The following MFSD6 variants were observed in gnomAD, a reference collection of about 807,000 sequenced individuals.
The protein encoded by MFSD6 is major facilitator superfamily domain containing 6.
A neutral mutation model predicts 56.3 loss-of-function variants in MFSD6; 26 were observed. The observed-to-expected ratio is 0.46, with a 90% CI of 0.34 to 0.64. The LOEUF is 0.64. Ranked by LOEUF, MFSD6 falls within the 30% of genes least tolerant of loss-of-function variation. MFSD6 has a pLI of 0.01. For missense variants in MFSD6, 750 were observed against 986.2 expected (o/e 0.76, Z 3.21); for synonymous variants, 331 against 366.9 (o/e 0.90, Z 1.12).
Position 190,500,006 on chromosome 2 carries a change from T to C in MFSD6, c.2173-9T>C, listed in dbSNP as rs1233858513. 1 of 1,614,072 alleles carries C rather than the reference T, an allele frequency of 6.2e-7. No individual in the cohort carries two copies. The highest frequency in any genetic ancestry group is 1.1e-5 in the South Asian group (1 of 91,086). The stretch of plus-strand genomic sequence containing the variant: ...TGATCATGGGGCATCTCCTGTTTTT[T>C]ACCTCCAGGGGACCAATGAGAATAG... On this transcript the variant is annotated splice_polypyrimidine_tract_variant and intron_variant, in intron 7 of 7. Transcript: ENST00000392328. The surrounding 1 kb of genome is among the most constrained non-coding windows in gnomAD (Gnocchi z 5.3).
Position 190,415,921 on chromosome 2 carries a change from A to T in MFSD6, c.-54+508A>T, listed in dbSNP as rs1398553113. 6.6e-6 allele frequency among the ~76,000 whole-genome samples: 1 copy of T among 152,182 alleles called. No homozygotes were observed. The highest frequency in any genetic ancestry group is 6.5e-5 in the Admixed American group (1 of 15,286). On this transcript the variant is annotated intron_variant, in intron 2 of 7. Coordinates refer to ENST00000392328, the MANE Select transcript of MFSD6 (RefSeq NM_017694.4). The surrounding 1 kb of genome is among the most constrained non-coding windows in gnomAD (Gnocchi z 4.5). Reference sequence around the variant, plus strand: ...TTGTCTCGTGTATAGATTGTGCTTTATTTAACCCTCTTAACTTCCTCAGTG... The same window carrying T: ...TTGTCTCGTGTATAGATTGTGCTTTTTTTAACCCTCTTAACTTCCTCAGTG...
chr2:190,469,976 T>C lies in MFSD6; in HGVS notation c.1630+121T>C. On this transcript the variant is annotated intron_variant, in intron 4 of 7. Coordinates refer to ENST00000392328, the MANE Select transcript of MFSD6 (RefSeq NM_017694.4). The surrounding 1 kb of genome is among the most constrained non-coding windows in gnomAD (Gnocchi z 5.3). ...GGCAGGCCTACTGTTTCATGTGATT[T>C]TGAAGTGGTTGTTAAGGAAGAGATG... The C allele has an allele frequency of 1.5e-6, 1 of 653,354 alleles. No homozygotes were observed. The highest frequency in any genetic ancestry group is 2.6e-6 in the Non-Finnish European group (1 of 388,654). 40.5% of individuals were successfully genotyped at this position (653,354 alleles called of 1,614,324 possible). A position where few individuals can be genotyped will look rare whatever the true frequency, so the allele number is the denominator to read the frequency against.
intron 4 of MFSD6, among the ~76,000 whole-genome samples, chr2:190,484,638 C>G (rs1688905753): frequency 2.0e-5 from 3 of 152,128 alleles, no homozygotes; most frequent in Admixed American, 1.3e-4. Context: ...ATTAAGATTA[C>G]TAGAAAGTTG....
In MFSD6 at chr2:190,410,386, C is replaced by T. The variant is rs1690510435; in HGVS notation, c.-176+1883C>T. On this transcript the variant is annotated intron_variant, in intron 1 of 7. Coordinates refer to ENST00000392328, the MANE Select transcript of MFSD6 (RefSeq NM_017694.4). The surrounding 1 kb of genome is among the most constrained non-coding windows in gnomAD (Gnocchi z 4.4). The stretch of plus-strand genomic sequence containing the variant: ...GACCTCATGTTTCTGGCTCCAAAGC[C>T]CAGGAAATTTCCACATGGTGTCCCT... 6.6e-6 allele frequency among the ~76,000 whole-genome samples: 1 copy of T among 152,146 alleles called. No homozygotes were observed. Among genetic ancestry groups the T allele is most frequent in the African/African-American group, 2.4e-5 (1 of 41,422 alleles).
rs1013698228 is a variant in MFSD6 at position 190,434,723 on chromosome 2, C to T, written c.-53-1254C>T. ...CTGGGATTACAGGTGTGAGCCACCG[C>T]GCCCGGCCAAAACACTGTTTTTCAA... On this transcript the variant is annotated intron_variant, in intron 2 of 7. Coordinates refer to ENST00000392328, the MANE Select transcript of MFSD6 (RefSeq NM_017694.4). The surrounding 1 kb of genome is among the most constrained non-coding windows in gnomAD (Gnocchi z 4.3). 5.9e-5 allele frequency among the ~76,000 whole-genome samples: 9 copies of T among 152,200 alleles called. No homozygotes were observed. The highest frequency in any genetic ancestry group is 1.2e-4 in the African/African-American group (5 of 41,460).
intron 3 of MFSD6, among the ~76,000 whole-genome samples, chr2:190,464,319 A>G (rs1687485870): frequency 6.6e-6 from 1 of 152,094 alleles, no homozygotes; most frequent in Admixed American, 6.6e-5. Flanking sequence ...GGGCTTTGCA[A>G]AATGCTTGTT....
At chr2:190,477,199 T>TATA (rs76355293) in intron 4 of MFSD6, 6 of 931,180 alleles carry the variant, frequency 6.4e-6, no homozygotes, top group South Asian at 5.0e-5. Flanking sequence ...AAACTTAAAG[T>TATA]ATAATAATAA....
At position 190,434,718 on chromosome 2, in the gene MFSD6, C is replaced by T. The variant is rs1686119565; in HGVS notation, c.-53-1259C>T. 6.6e-6 allele frequency among the ~76,000 whole-genome samples: 1 copy of T among 152,172 alleles called. No individual in the cohort carries two copies. The highest frequency in any genetic ancestry group is 1.5e-5 in the Non-Finnish European group (1 of 68,026). On this transcript the variant is annotated intron_variant, in intron 2 of 7. Coordinates refer to ENST00000392328, the MANE Select transcript of MFSD6 (RefSeq NM_017694.4). The surrounding 1 kb of genome is among the most constrained non-coding windows in gnomAD (Gnocchi z 4.3). ...AAGTGCTGGGATTACAGGTGTGAGC[C>T]ACCGCGCCCGGCCAAAACACTGTTT... is the stretch of plus-strand genomic sequence containing the variant.
rs1432987569 is a variant in MFSD6 at position 190,489,744 on chromosome 2, A to G, written c.1793-24A>G. On this transcript the variant is annotated intron_variant, in intron 5 of 7. Coordinates refer to ENST00000392328, the MANE Select transcript of MFSD6 (RefSeq NM_017694.4). This position sits in a 1 kb window ranked among gnomAD's most constrained non-coding sequence, Gnocchi z 6.6. ...TATCTGCATTTCTTGGAATTACTCT[A>G]TAGAGTGCTGTTTGTTTTTATAGGG... is the stretch of plus-strand genomic sequence containing the variant. 3 of 1,603,636 alleles carry G rather than the reference A, an allele frequency of 1.9e-6. No individual in the cohort carries two copies. Among genetic ancestry groups the G allele is most frequent in the Middle Eastern group, 1.7e-4 (1 of 6,046 alleles).
Position 190,425,342 on chromosome 2 carries a change from G to T in MFSD6, c.-54+9929G>T, listed in dbSNP as rs76089156. Among the ~76,000 whole-genome samples, 410 of 152,130 alleles carry T rather than the reference G, an allele frequency of 2.7e-3. 1 individual carries two copies. Among genetic ancestry groups the T allele is most frequent in the African/African-American group, 9.3e-3 (384 of 41,512 alleles). On this transcript the variant is annotated intron_variant, in intron 2 of 7. Transcript: ENST00000392328. This position sits in a 1 kb window ranked among gnomAD's most constrained non-coding sequence, Gnocchi z 4.3. ...CTTTTGTTTTCTTTTATTTCCTATT[G>T]CACTGGTGAGAACTTCCAGCATTGT...
Position 190,500,408 on chromosome 2 carries a change from C to G in MFSD6, c.*190C>G. On this transcript the variant is annotated 3_prime_UTR_variant, in exon 8 of 8. Transcript: ENST00000392328. This position sits in a 1 kb window ranked among gnomAD's most constrained non-coding sequence, Gnocchi z 5.3. ...GTACATATTGGCAGGAAAAGGTAAA[C>G]TTTCGTAATCTCATTGGAATTACAA... The G allele has an allele frequency of 1.6e-6, 1 of 621,958 alleles. No individual in the cohort carries two copies. The highest frequency in any genetic ancestry group is 2.8e-6 in the Non-Finnish European group (1 of 362,136). The allele number at this position is 621,958 out of a possible 1,614,324, so 38.5% of individuals were successfully genotyped here.
At chr2:190,472,980 C>A (rs1273217625) in intron 4 of MFSD6, among the ~76,000 whole-genome samples, 1 of 152,110 alleles carries the variant, frequency 6.6e-6, no homozygotes, top group Non-Finnish European at 1.5e-5. Context: ...CATATCCAGC[C>A]AAACTAAGCT....
rs988026219 is a variant in MFSD6, at chr2:190,412,835, C to T, written c.-175-2457C>T. On this transcript the variant is annotated intron_variant, in intron 1 of 7. Transcript: ENST00000392328. The surrounding 1 kb of genome is among the most constrained non-coding windows in gnomAD (Gnocchi z 4.1). Reference sequence around the variant, plus strand: ...TTGCTTTGTAGCTGTTTTTGATTGCCCACATTTGGATGATATTTATTTACT... The same window carrying T: ...TTGCTTTGTAGCTGTTTTTGATTGCTCACATTTGGATGATATTTATTTACT... Among the ~76,000 whole-genome samples the T allele has an allele frequency of 6.6e-6, 1 of 152,124 alleles. No homozygotes were observed. Among genetic ancestry groups the T allele is most frequent in the Non-Finnish European group, 1.5e-5 (1 of 68,030 alleles).
Position 190,494,172 on chromosome 2 carries a change from A to C in MFSD6, c.1892-3267A>C, listed in dbSNP as rs1040949273. On this transcript the variant is annotated intron_variant, in intron 6 of 7. Coordinates refer to ENST00000392328, the MANE Select transcript of MFSD6 (RefSeq NM_017694.4). The surrounding 1 kb of genome is among the most constrained non-coding windows in gnomAD (Gnocchi z 5.7). Reference sequence around the variant, plus strand: ...AGCTTAATTAGAAACAAAACAGGAAATATTACAACTGACACCACAGAAATA... The same window carrying C: ...AGCTTAATTAGAAACAAAACAGGAACTATTACAACTGACACCACAGAAATA... 3.3e-5 allele frequency among the ~76,000 whole-genome samples: 5 copies of C among 152,196 alleles called. No homozygotes were observed. The highest frequency in any genetic ancestry group is 1.2e-4 in the African/African-American group (5 of 41,456).
intron 1 of MFSD6, among the ~76,000 whole-genome samples, chr2:190,409,113 A>G (rs994896933): frequency 3.3e-5 from 5 of 152,280 alleles, no homozygotes; most frequent in Middle Eastern, 3.4e-3. Context: ...CCATCCTAGC[A>G]GACATCCCCC....
At position 190,478,472 on chromosome 2, in the gene MFSD6, GA is replaced by G. The variant is rs574885939; in HGVS notation, c.1630+8620del. 4.7e-3 allele frequency among the ~76,000 whole-genome samples: 717 copies of G among 152,336 alleles called. 4 individuals are homozygous for G. The highest frequency in any genetic ancestry group is 7.6e-3 in the Non-Finnish European group (516 of 68,036). ...ATGTGGAATAAAATCCTGCATCACA[GA>G]AATACATTTCTGACTGAAGAGGTTT... On this transcript the variant is annotated intron_variant, in intron 4 of 7. Transcript: ENST00000392328.
At position 190,501,803 on chromosome 2, in the gene MFSD6, T is replaced by C. The variant is rs989213557; in HGVS notation, c.*1585T>C. 1 of 152,678 alleles carries C rather than the reference T, an allele frequency of 6.5e-6. No homozygotes were observed. Among genetic ancestry groups the C allele is most frequent in the African/African-American group, 2.4e-5 (1 of 41,462 alleles). 9.5% of individuals were successfully genotyped at this position (152,678 alleles called of 1,614,324 possible). ...AAATAGTTATTTTTTGCACTTGAAC[T>C]GAAACGTACTGTACTGTAAATTATG... On this transcript the variant is annotated 3_prime_UTR_variant, in exon 8 of 8. Transcript: ENST00000392328.
At chr2:190,414,247 A>G (rs989031341) in intron 1 of MFSD6, among the ~76,000 whole-genome samples, 1 of 152,106 alleles carries the variant, frequency 6.6e-6, no homozygotes, top group African/African-American at 2.4e-5. Flanking sequence ...TAACAAACCC[A>G]CATGTCCTGC....
Position 190,437,317 on chromosome 2 carries a change from T to G in MFSD6, c.1288T>G (p.Ser430Ala), listed in dbSNP as rs1420174283. 6.2e-7 allele frequency: 1 copy of G among 1,614,126 alleles called. No individual in the cohort carries two copies. The highest frequency in any genetic ancestry group is 1.3e-5 in the African/African-American group (1 of 74,950). ...GGAGACACCAACCACCACAAGCCAC[T>G]CGCAGGCCTTCAACTTTTGGGACTT... The part of the protein sequence containing the change: ...SEETPTTTSH[S>A]QAFNFWDLIK... The change falls in exon 3 of 8, where the codon TCG becomes GCG. Residue 430 changes from serine (S) to alanine (A), a missense_variant. By Grantham distance (99) the Ser-to-Ala change is moderately conservative. This residue lies in a region of MFSD6 where 376 missense variants were observed against 437.9 expected (regional missense o/e 0.86). Coordinates refer to ENST00000392328, the MANE Select transcript of MFSD6 (RefSeq NM_017694.4). This position sits in a 1 kb window ranked among gnomAD's most constrained non-coding sequence, Gnocchi z 5.9.
Sources: gnomAD v4.1 joint callset for allele counts (sites outside exome capture counted in the v4.1 genomes callset) on GRCh38, gnomAD v4.1.1 for gene constraint, gnomAD v4.1.1 regional missense constraint, Gnocchi (gnomAD v3.1) non-coding constraint, MANE v1.5 for transcripts, NCBI Gene and HGNC (gene_info 2026-07-23, HGNC 2026-07-21) for gene names.